ZNF217: variants seen among roughly 807,000 people sequenced by gnomAD.
The protein encoded by ZNF217 is zinc finger protein 217.
In ZNF217, 12 loss-of-function variants were observed where a neutral mutation model predicts 73.3. That is an observed-to-expected ratio of 0.16 (90% CI 0.10 to 0.27). ZNF217 has a LOEUF of 0.27. Ranked by LOEUF, ZNF217 falls within the 10% of genes least tolerant of loss-of-function variation. ZNF217 has a pLI of 1.00. For missense variants in ZNF217, 1,195 were observed against 1,327.8 expected, an observed-to-expected ratio of 0.90 and a Z score of 1.55; for synonymous variants, 588 against 516.4, an observed-to-expected ratio of 1.14 and a Z score of -1.88.
chr20:53,588,103 G>T (rs925059833), intron 1 of ZNF217, among the ~76,000 whole-genome samples: 1 of 152,060 alleles, frequency 6.6e-6, no homozygotes, highest in Non-Finnish European at 1.5e-5. Flanking sequence ...ATTTCATTTT[G>T]CTGAAATTGT....
At position 53,581,987 on chromosome 20, in the gene ZNF217, C is replaced by G. The variant is rs757869954; in HGVS notation, c.840G>C (p.Gly280=). 5.0e-6 allele frequency: 8 copies of G among 1,614,226 alleles called. No homozygotes were observed. Among genetic ancestry groups the G allele is most frequent in the Non-Finnish European group, 6.8e-6 (8 of 1,180,050 alleles). The part of the protein sequence containing the change: ...NLRPKSHPET[G]KKPVRCIPQL... ...GAGGGATGCATCTGACAGGCTTCTT[C>G]CCCGTTTCAGGGTGAGATTTTGGTC... Residue 280 remains glycine, a synonymous_variant, in exon 2 of 6, where the codon GGG becomes GGC. Transcript: ENST00000371471. This position sits in a 1 kb window ranked among gnomAD's most constrained non-coding sequence, Gnocchi z 4.9.
At chr20:53,569,665 T>A (rs576934100) in intron 5 of ZNF217, among the ~76,000 whole-genome samples, 1 of 152,230 alleles carries the variant, frequency 6.6e-6, no homozygotes, top group Admixed American at 6.5e-5. Flanking sequence ...ATTACAGGCA[T>A]GAGCCACTGC....
intron 5 of ZNF217, among the ~76,000 whole-genome samples, chr20:53,569,475 CAG>C (rs1987899745): frequency 6.6e-6 from 1 of 152,118 alleles, no homozygotes; most frequent in Non-Finnish European, 1.5e-5. Flanking sequence ...CTCTACCTCC[CAG>C]GTTCAAGCGA....
chr20:53,597,664 T>C (rs1989065222), upstream of ZNF217: 1 of 151,834 alleles, frequency 6.6e-6, no homozygotes, highest in Non-Finnish European at 1.5e-5. Flanking sequence ...TGGAACCTGA[T>C]AACTCTGTAG....
At chr20:53,579,106 T>C (rs1364386715) in intron 2 of ZNF217, among the ~76,000 whole-genome samples, 1 of 152,154 alleles carries the variant, frequency 6.6e-6, no homozygotes, top group East Asian at 1.9e-4. Flanking sequence ...TGAAAACCTG[T>C]CCCCAAATGA....
chr20:53,594,553 C>A (rs1187423022), upstream of ZNF217, among the ~76,000 whole-genome samples: 1 of 151,696 alleles, frequency 6.6e-6, no homozygotes, highest in Non-Finnish European at 1.5e-5. Flanking sequence ...TCCCCGCGCC[C>A]CCCGCCCCGC....
chr20:53,585,447 C>T (rs929788925), intron 1 of ZNF217, among the ~76,000 whole-genome samples: 1 of 152,080 alleles, frequency 6.6e-6, no homozygotes, highest in Non-Finnish European at 1.5e-5. Flanking sequence ...GTAATCCCAG[C>T]TATTTGGGAA....
intron 4 of ZNF217, among the ~76,000 whole-genome samples, chr20:53,573,835 C>A (rs1372248365): frequency 6.6e-6 from 1 of 152,152 alleles, no homozygotes; most frequent in African/African-American, 2.4e-5. Context: ...CTTTGTGAGG[C>A]CAAGACAGGA....
chr20:53,581,140 G>A lies in ZNF217; in HGVS notation c.1366+321C>T, dbSNP rs1482757540. Reference sequence around the variant, plus strand: ...AAAATCGCCCCAGTTAAGAAGCAGTGCATTTGGGCTGGATGCACAAGTTAT... The same window carrying A: ...AAAATCGCCCCAGTTAAGAAGCAGTACATTTGGGCTGGATGCACAAGTTAT... On this transcript the variant is annotated intron_variant, in intron 2 of 5. Transcript: ENST00000371471. This position sits in a 1 kb window ranked among gnomAD's most constrained non-coding sequence, Gnocchi z 4.9. Among the ~76,000 whole-genome samples the A allele has an allele frequency of 6.6e-6, 1 of 151,860 alleles. No homozygotes were observed. Among genetic ancestry groups the A allele is most frequent in the Non-Finnish European group, 1.5e-5 (1 of 68,004 alleles).
Position 53,577,151 on chromosome 20 carries a change from T to C in ZNF217, c.1613A>G (p.Lys538Arg). 4 of 1,614,134 alleles carry C rather than the reference T, an allele frequency of 2.5e-6. No individual in the cohort carries two copies. The highest frequency in any genetic ancestry group is 3.4e-6 in the Non-Finnish European group (4 of 1,180,044). ...DVAAEVKNDGKNQDTEDALLT... is the reference protein window; with the variant it reads ...DVAAEVKNDGRNQDTEDALLT... ...TAGTGCATCTTCAGTGTCCTGATTTTTACCATCGTTCTTGACTTCAGCAGC... is the reference window on the plus strand; with the variant it reads ...TAGTGCATCTTCAGTGTCCTGATTTCTACCATCGTTCTTGACTTCAGCAGC... Residue 538 changes from lysine (K) to arginine (R), a missense_variant, in exon 4 of 6, where the codon AAA becomes AGA. By Grantham distance (26) the Lys-to-Arg change is conservative. This residue lies in a region of ZNF217 where 649 missense variants were observed against 642.8 expected (regional missense o/e 1.01). Transcript: ENST00000371471.
At position 53,567,978 on chromosome 20, in the gene ZNF217, A is replaced by C. The variant is rs1987817811; in HGVS notation, c.*1310T>G. Reference sequence around the variant, plus strand: ...AGCCCATGTACTAATAAACTCAGCCATGGACAGCATATTAAAGAACAAAAG... The same window carrying C: ...AGCCCATGTACTAATAAACTCAGCCCTGGACAGCATATTAAAGAACAAAAG... On this transcript the variant is annotated 3_prime_UTR_variant, in exon 6 of 6. Transcript: ENST00000371471. 6.6e-6 allele frequency: 1 copy of C among 152,660 alleles called. No individual in the cohort carries two copies. The highest frequency in any genetic ancestry group is 2.1e-4 in the South Asian group (1 of 4,836). 9.5% of individuals were successfully genotyped at this position (152,660 alleles called of 1,614,324 possible). A position where few individuals can be genotyped will look rare whatever the true frequency, so the allele number is the denominator to read the frequency against.
intron 5 of ZNF217, among the ~76,000 whole-genome samples, chr20:53,569,835 A>G (rs141709211): frequency 9.8e-5 from 15 of 152,294 alleles, no homozygotes; most frequent in African/African-American, 3.6e-4. Flanking sequence ...GCCATGCACA[A>G]GAAAATCCCA....
Position 53,576,176 on chromosome 20 carries a change from G to A in ZNF217, c.2588C>T (p.Pro863Leu), listed in dbSNP as rs946508020. ...KTKRPETKLKPLPVAPSQPTL... is the reference protein window; with the variant it reads ...KTKRPETKLKLLPVAPSQPTL... ...GGGCTGAGAAGGAGCTACTGGAAGA[G>A]GTTTCAATTTTGTCTCGGGTCTTTT... Residue 863 changes from proline (P) to leucine (L), a missense_variant, in exon 4 of 6, where the codon CCT becomes CTT. By Grantham distance (98) the Pro-to-Leu change is moderately conservative. Around this residue, in one of 9 missense-constraint regions of ZNF217, gnomAD observed 649 missense variants for 642.8 expected, o/e 1.01. Transcript: ENST00000371471. 2.5e-6 allele frequency: 4 copies of A among 1,614,242 alleles called. No individual in the cohort carries two copies. Among genetic ancestry groups the A allele is most frequent in the Non-Finnish European group, 3.4e-6 (4 of 1,180,044 alleles).
rs11468001 is a variant in ZNF217 at position 53,581,409 on chromosome 20, GAGAC to G, written c.1366+48_1366+51del. ...ATGGGAATAGAGAGGGGGAGACGGG[GAGAC>G]AGACAGACACAGGCGGAACAGCACG... On this transcript the variant is annotated intron_variant, in intron 2 of 5. Transcript: ENST00000371471. The surrounding 1 kb of genome is among the most constrained non-coding windows in gnomAD (Gnocchi z 4.9). The G allele has an allele frequency of 0.12, 183,925 of 1,539,002 alleles. 11,842 individuals are homozygous for G. Among genetic ancestry groups the G allele is most frequent in the African/African-American group, 0.21 (15,562 of 73,016 alleles).
intron 1 of ZNF217, among the ~76,000 whole-genome samples, chr20:53,588,511 T>C (rs780502257): frequency 6.6e-6 from 1 of 151,908 alleles, no homozygotes; most frequent in Non-Finnish European, 1.5e-5. Context: ...AGCAAATTAA[T>C]TAACTGTTAA....
chr20:53,572,437 A>G (rs1165591695), intron 4 of ZNF217, among the ~76,000 whole-genome samples: 1 of 151,334 alleles, frequency 6.6e-6, no homozygotes, highest in Non-Finnish European at 1.5e-5. Context: ...AAAAAAAAAG[A>G]GGATCTGACT....
At chr20:53,570,874 C>A (rs1357412667) in intron 5 of ZNF217, among the ~76,000 whole-genome samples, 1 of 152,168 alleles carries the variant, frequency 6.6e-6, no homozygotes, top group African/African-American at 2.4e-5. Flanking sequence ...ACAGGCAGAG[C>A]GGGGCTTTGA....
At chr20:53,589,819 A>T (rs989586480) in intron 1 of ZNF217, among the ~76,000 whole-genome samples, 6 of 152,092 alleles carry the variant, frequency 3.9e-5, no homozygotes, top group African/African-American at 1.4e-4. Context: ...GGCTTCCTTC[A>T]CCCGAATTTA....
At chr20:53,597,083 C>CAAAAAA (rs11483077), upstream of ZNF217, among the ~76,000 whole-genome samples, 1 of 120,784 alleles carries the variant, frequency 8.3e-6, no homozygotes. Context: ...AGTAACATAA[C>CAAAAAA]AAAAAAAAAA....
Sources: allele counts gnomAD v4.1 joint callset (sites outside exome capture counted in the v4.1 genomes callset), GRCh38; gene constraint gnomAD v4.1.1; regional missense constraint gnomAD v4.1.1; non-coding constraint Gnocchi (gnomAD v3.1); transcripts MANE v1.5; gene names NCBI Gene and HGNC (gene_info 2026-07-23, HGNC 2026-07-21).